Variants in GHR observed in about 807,000 individuals in gnomAD.
GHR encodes growth hormone receptor.
Under a neutral mutation model 67.1 loss-of-function variants are expected in GHR, and 35 were observed. The ratio of observed to expected loss-of-function variants is 0.52; its 90% CI spans 0.40 to 0.69. GHR has a LOEUF of 0.69. GHR is among the 30% of genes least tolerant of loss of function. The pLI, the probability that GHR is intolerant of heterozygous loss-of-function variation, is 0.00. For synonymous variants in GHR, 272 were observed against 269.1 expected (o/e 1.01, Z -0.10); for missense variants, 792 against 764.6 (o/e 1.04, Z -0.42).
intron 1 of GHR, among the ~76,000 whole-genome samples, chr5:42,451,915 A>G (rs1744068644): frequency 6.6e-6 from 1 of 152,122 alleles, no homozygotes; most frequent in African/African-American, 2.4e-5. Flanking sequence ...CAATGTTAGT[A>G]TTGACATATA....
intron 2 of GHR, among the ~76,000 whole-genome samples, chr5:42,569,767 T>C (rs1301382256): frequency 6.7e-6 from 1 of 149,896 alleles, no homozygotes; most frequent in Non-Finnish European, 1.5e-5. Flanking sequence ...TATATGTATA[T>C]AGTATATGTA....
chr5:42,654,391 A>G (rs898377049), intron 3 of GHR, among the ~76,000 whole-genome samples: 2 of 152,112 alleles, frequency 1.3e-5, no homozygotes, highest in Non-Finnish European at 2.9e-5. Context: ...AAGACCCAAA[A>G]CAAGTTGTCC....
chr5:42,713,927 T>C (rs569409918), intron 8 of GHR: 85 of 167,732 alleles, frequency 5.1e-4, no homozygotes, highest in African/African-American at 2.0e-3. Context: ...TTTTTTTTTT[T>C]CCTTGAGACG....
chr5:42,571,078 C>T (rs1483660635), intron 2 of GHR, among the ~76,000 whole-genome samples: 1 of 152,174 alleles, frequency 6.6e-6, no homozygotes, highest in Non-Finnish European at 1.5e-5. Context: ...TAAGTTTCTG[C>T]ATTTTTAATT....
At position 42,719,002 on chromosome 5, in the gene GHR, G is replaced by A. The variant is rs373984725; in HGVS notation, c.1495G>A (p.Val499Met). The A allele has an allele frequency of 9.3e-6, 15 of 1,608,360 alleles. No homozygotes were observed. The highest frequency in any genetic ancestry group is 1.7e-4 in the Middle Eastern group (1 of 6,058). ...QVSDITPAGS[V>M]VLSPGQKNKA... Reference sequence around the variant, plus strand: ...GAGCGACATTACACCAGCAGGTAGTGTGGTCCTTTCCCCGGGCCAAAAGAA... The same window carrying A: ...GAGCGACATTACACCAGCAGGTAGTATGGTCCTTTCCCCGGGCCAAAAGAA... Residue 499 changes from valine (V) to methionine (M), a missense_variant, in exon 10 of 10, where the codon GTG (valine) becomes ATG (methionine). Transcript: ENST00000230882.
rs185996951 is a variant in GHR at position 42,681,720 on chromosome 5, A to T, written c.137-7170A>T. On this transcript the variant is annotated intron_variant, in intron 3 of 9. Coordinates refer to ENST00000230882, the MANE Select transcript of GHR (RefSeq NM_000163.5). The stretch of plus-strand genomic sequence containing the variant: ...GGGAGGCTGAGGCAGGCAGATCACA[A>T]GTTCAGGAGATCGAGACCATCCTGG... Among the ~76,000 whole-genome samples the T allele has an allele frequency of 2.1e-3, 314 of 152,254 alleles. 1 individual carries two copies. The highest frequency in any genetic ancestry group is 7.3e-3 in the African/African-American group (304 of 41,552).
At chr5:42,439,695 GT>G (rs1359564161) in intron 1 of GHR, among the ~76,000 whole-genome samples, 1 of 150,546 alleles carries the variant, frequency 6.6e-6, no homozygotes, top group Admixed American at 6.9e-5. Context: ...GAAGATACTT[GT>G]TGACTTGTCT....
rs1042130772 is a variant in GHR, at chr5:42,565,453, T to C, written c.-11-411T>C. The C allele has an allele frequency of 4.1e-6, 4 of 984,758 alleles. No individual in the cohort carries two copies. The African/African-American group carries it at 7.0e-5, about 17-fold the overall frequency. The allele number at this position is 984,758 out of a possible 1,614,324, so 61.0% of individuals were successfully genotyped here. A position where few individuals can be genotyped will look rare whatever the true frequency, so the allele number is the denominator to read the frequency against. On this transcript the variant is annotated intron_variant, in intron 1 of 9. Coordinates refer to ENST00000230882, the MANE Select transcript of GHR (RefSeq NM_000163.5). ...ATTACCATGATTGTTATGTTTTTCC[T>C]TTTATGGCCTGTCCAGCTCAAGGCC...
intron 1 of GHR, among the ~76,000 whole-genome samples, chr5:42,508,043 T>A (rs1746852003): frequency 6.6e-6 from 1 of 152,116 alleles, no homozygotes; most frequent in Non-Finnish European, 1.5e-5. Context: ...CCTCATACAC[T>A]GCCAAAAAAG....
At chr5:42,704,589 C>T (rs760892695) in intron 6 of GHR, among the ~76,000 whole-genome samples, 5 of 151,988 alleles carry the variant, frequency 3.3e-5, no homozygotes, top group Non-Finnish European at 7.4e-5. Flanking sequence ...GTAGTATCCC[C>T]TTTTCTTCCA....
At chr5:42,548,748 C>T (rs1488524665) in intron 1 of GHR, among the ~76,000 whole-genome samples, 4 of 152,088 alleles carry the variant, frequency 2.6e-5, no homozygotes, top group African/African-American at 4.8e-5. Context: ...CTACTCTAAG[C>T]GAAACTTCTT....
At chr5:42,660,688 C>G (rs1580145656) in intron 3 of GHR, among the ~76,000 whole-genome samples, 1 of 152,182 alleles carries the variant, frequency 6.6e-6, no homozygotes. Context: ...ACTGGAAACT[C>G]TGAAAAGCAG....
intron 3 of GHR, among the ~76,000 whole-genome samples, chr5:42,680,392 C>A (rs556075623): frequency 6.6e-6 from 1 of 152,232 alleles, no homozygotes; most frequent in South Asian, 2.1e-4. Flanking sequence ...CTTAGCAGAA[C>A]CCATATCCAC....
At chr5:42,646,436 A>T (rs1754732743) in intron 3 of GHR, 2 of 391,948 alleles carry the variant, frequency 5.1e-6, no homozygotes, top group Admixed American at 6.7e-5. Context: ...CATCACCCAT[A>T]ATAAAAGTAA....
At chr5:42,661,056 GA>G (rs957034731) in intron 3 of GHR, among the ~76,000 whole-genome samples, 2 of 152,030 alleles carry the variant, frequency 1.3e-5, no homozygotes, top group South Asian at 4.1e-4. Context: ...GAAGTTTAGA[GA>G]AAAAAGAATA....
chr5:42,704,163 C>T (rs569766664), intron 6 of GHR, among the ~76,000 whole-genome samples: 1 of 151,954 alleles, frequency 6.6e-6, no homozygotes, highest in Admixed American at 6.6e-5. Context: ...AAAAGCTTTC[C>T]ACATTTCACT....
chr5:42,659,879 C>T (rs370469239), intron 3 of GHR, among the ~76,000 whole-genome samples: 75 of 152,218 alleles, frequency 4.9e-4, no homozygotes, highest in African/African-American at 1.6e-3. Flanking sequence ...ACAGATGGCA[C>T]CTGGAAAATC....
At chr5:42,499,333 T>A (rs1452844731) in intron 1 of GHR, among the ~76,000 whole-genome samples, 1 of 152,204 alleles carries the variant, frequency 6.6e-6, no homozygotes, top group African/African-American at 2.4e-5. Flanking sequence ...TACTGTTCAG[T>A]CAGCACTAGC....
chr5:42,599,901 G>A (rs1580023691), intron 2 of GHR, among the ~76,000 whole-genome samples: 1 of 152,166 alleles, frequency 6.6e-6, no homozygotes. Context: ...CTTCAAGGGT[G>A]CTTCAGCCAT....
Sources: gnomAD v4.1 joint callset for allele counts (sites outside exome capture counted in the v4.1 genomes callset) on GRCh38, gnomAD v4.1.1 for gene constraint, MANE v1.5 for transcripts, NCBI Gene and HGNC (gene_info 2026-07-23, HGNC 2026-07-21) for gene names.